Variants in NARF observed in about 807,000 individuals in gnomAD.
NARF encodes nuclear prelamin A recognition factor.
A neutral mutation model predicts 48.0 loss-of-function variants in NARF; 41 were observed. The ratio of observed to expected loss-of-function variants is 0.85; its 90% CI spans 0.66 to 1.11. NARF has a LOEUF of 1.11. Ranked by LOEUF, NARF falls within the 50% of genes least tolerant of loss-of-function variation. The probability of loss-of-function intolerance (pLI) is 0.00; values close to 1 mark genes in which losing one functional copy is unlikely to be tolerated. For synonymous variants in NARF, 215 were observed against 225.5 expected (o/e 0.95, Z 0.42); for missense variants, 613 against 590.2 (o/e 1.04, Z -0.40).
intron 6 of NARF, 132 bp from the exon 7 acceptor site, chr17:82,480,944 AAAAAAG>A: frequency 6.1e-5 from 69 of 1,122,516 alleles, no homozygotes; most frequent in Admixed American, 4.2e-4. Context: ...AAAAAAAAAA[AAAAAAG>A]AGTGCAGCAT....
At chr17:82,487,574 T>TCAGCCAGCCCTAGCCTTAGGCCA (rs1331415287) in intron 10 of NARF, among the ~76,000 whole-genome samples, 1 of 152,186 alleles carries the variant, frequency 6.6e-6, no homozygotes, top group Non-Finnish European at 1.5e-5. Context: ...CCTGGCCTGT[T>TCAGCCAGCCCTAGCCTTAGGCCA]CAGCCAGCCC....
rs763594015 is a variant in NARF, at chr17:82,464,364, A to G, written c.186A>G (p.Ala62=). 6.2e-7 allele frequency: 1 copy of G among 1,614,130 alleles called. No individual in the cohort carries two copies. Among genetic ancestry groups the G allele is most frequent in the East Asian group, 2.2e-5 (1 of 44,884 alleles). Reference sequence around the variant, plus strand: ...TGGCATGTGACAGCTGTATGACTGCAGAGGAAGGAGTCCAACTTTCCCAGC... The same window carrying G: ...TGGCATGTGACAGCTGTATGACTGCGGAGGAAGGAGTCCAACTTTCCCAGC... ...DCLACDSCMT[A]EEGVQLSQQN... Residue 62 remains alanine, a synonymous_variant, in exon 3 of 11, where the codon GCA becomes GCG. Transcript: ENST00000309794.
At chr17:82,478,560 C>A (rs759916441) in intron 5 of NARF, 6 of 604,030 alleles carry the variant, frequency 9.9e-6, no homozygotes, top group Admixed American at 6.4e-5. Context: ...ACTTGTCTGT[C>A]GGCCTTGCAG....
At chr17:82,463,263 A>G (rs12952655) in intron 2 of NARF, 36,637 of 152,166 alleles carry the variant, frequency 0.24, 5,052 homozygotes, top group East Asian at 0.67. Flanking sequence ...TCATATGTTC[A>G]TCCACCAGTT....
chr17:82,483,308 A>G, intron 7 of NARF: 1 of 338,296 alleles, frequency 3.0e-6, no homozygotes, highest in Non-Finnish European at 5.9e-6. Context: ...GGCGGAGGTG[A>G]GACTCCATCT....
At position 82,463,106 on chromosome 17, in the gene NARF, G is replaced by A. The variant is rs1868748190; in HGVS notation, c.109-1181G>A. ...TAGGCAGGAGGCAGAGGTGACACCC[G>A]AGCTGCGGTTCGTAGCACGCTGTGG... On this transcript the variant is annotated intron_variant, in intron 2 of 10. Coordinates refer to ENST00000309794, the MANE Select transcript of NARF (RefSeq NM_012336.4). The A allele has an allele frequency of 3.3e-5, 5 of 152,160 alleles. No homozygotes were observed. In the South Asian group the frequency reaches 1.0e-3, roughly 32 times the overall value. The allele number at this position is 152,160 out of a possible 1,614,324, so 9.4% of individuals were successfully genotyped here.
rs897105277 is a variant in NARF at position 82,472,575 on chromosome 17, G to A, written c.397G>A (p.Val133Ile). ...GFLKSLGVHY[V>I]FDTTIAADFS... The stretch of plus-strand genomic sequence containing the variant: ...CCTCTCTCCTGCAGGGGTGCACTAT[G>A]TATTTGATACGACGATAGCTGCGGA... The change falls in exon 5 of 11, where the codon GTA becomes ATA. Residue 133 changes from valine (V) to isoleucine (I), a missense_variant. By Grantham distance (29) the Val-to-Ile change is conservative. Coordinates refer to ENST00000309794, the MANE Select transcript of NARF (RefSeq NM_012336.4). 6 of 1,613,200 alleles carry A rather than the reference G, an allele frequency of 3.7e-6. No individual in the cohort carries two copies. The highest frequency in any genetic ancestry group is 1.1e-5 in the South Asian group (1 of 90,984).
Position 82,472,703 on chromosome 17 carries a change from G to A in NARF, c.520+5G>A. On this transcript the variant is annotated splice_donor_5th_base_variant and intron_variant, in intron 5 of 10. Transcript: ENST00000309794. ...TGCTGACCTCTGCCTGTCCTGGTGAGCCCCTGGACCCCCGCTCTGTTGGCC... is the reference window on the plus strand; with the variant it reads ...TGCTGACCTCTGCCTGTCCTGGTGAACCCCTGGACCCCCGCTCTGTTGGCC... The A allele has an allele frequency of 6.2e-7, 1 of 1,610,566 alleles. No homozygotes were observed. Among genetic ancestry groups the A allele is most frequent in the Non-Finnish European group, 8.5e-7 (1 of 1,178,916 alleles).
chr17:82,488,078 C>G lies in NARF; in HGVS notation c.1292C>G (p.Ser431Cys). ...LYQEWLEGIN[S>C]PKAREVLHTT... ...CAGGAGTGGCTGGAGGGGATCAACTCCCCCAAGGCCCGAGAGGTGCTGCAT... is the reference window on the plus strand; with the variant it reads ...CAGGAGTGGCTGGAGGGGATCAACTGCCCCAAGGCCCGAGAGGTGCTGCAT... Residue 431 changes from serine (S) to cysteine (C), a missense_variant, in exon 11 of 11, where the codon TCC (serine) becomes TGC (cysteine). By Grantham distance (112) the Ser-to-Cys change is moderately radical (BLOSUM62 -1). Coordinates refer to ENST00000309794, the MANE Select transcript of NARF (RefSeq NM_012336.4). 6.2e-7 allele frequency: 1 copy of G among 1,614,000 alleles called. No homozygotes were observed. Among genetic ancestry groups the G allele is most frequent in the Non-Finnish European group, 8.5e-7 (1 of 1,180,030 alleles).
rs144059308 is a variant in NARF, at chr17:82,480,857, G to A, written c.640-225G>A. ...TGAGGCAGGAGAATCGCTTGAACCCGGGAGGCAGAGTTTGCAGTGAGCTGA... is the reference window on the plus strand; with the variant it reads ...TGAGGCAGGAGAATCGCTTGAACCCAGGAGGCAGAGTTTGCAGTGAGCTGA... On this transcript the variant is annotated intron_variant, in intron 6 of 10. Transcript: ENST00000309794. 3.5e-3 allele frequency: 1,976 copies of A among 566,284 alleles called. 39 individuals carry two copies. Among genetic ancestry groups the A allele is most frequent in the African/African-American group, 0.033 (1,751 of 52,998 alleles). The allele number at this position is 566,284 out of a possible 1,614,324, so 35.1% of individuals were successfully genotyped here.
rs11400755 is a variant in NARF at position 82,488,380 on chromosome 17, CTT to C, written c.*235_*236del. On this transcript the variant is annotated 3_prime_UTR_variant, in exon 11 of 11. Coordinates refer to ENST00000309794, the MANE Select transcript of NARF (RefSeq NM_012336.4). Reference sequence around the variant, plus strand: ...GGTGTGGGATTGGAACTTTTTTTTTCTTTTTTTTTTTTTGAGACGGAGTCTCA... The same window carrying C: ...GGTGTGGGATTGGAACTTTTTTTTTCTTTTTTTTTTTGAGACGGAGTCTCA... 1,777 of 442,620 alleles carry C rather than the reference CTT, an allele frequency of 4.0e-3. No homozygotes were observed. The highest frequency in any genetic ancestry group is 7.0e-3 in the South Asian group (188 of 26,962). 27.4% of individuals were successfully genotyped at this position (442,620 alleles called of 1,614,324 possible). A position where few individuals can be genotyped will look rare whatever the true frequency, so the allele number is the denominator to read the frequency against.
chr17:82,458,889 G>A lies in NARF; in HGVS notation c.27+59G>A, dbSNP rs531019965. On this transcript the variant is annotated intron_variant, in intron 1 of 10. Coordinates refer to ENST00000309794, the MANE Select transcript of NARF (RefSeq NM_012336.4). ...GTGCTTGTCCTGTGGGGCTCTGGGC[G>A]GCCGAGGTTGGCGGTCCGGGCCCGC... is the stretch of plus-strand genomic sequence containing the variant. 13 of 1,307,290 alleles carry A rather than the reference G, an allele frequency of 9.9e-6. No homozygotes were observed. In the South Asian group the frequency reaches 3.0e-4, roughly 30 times the overall value. The allele number at this position is 1,307,290 out of a possible 1,614,324, so 81.0% of individuals were successfully genotyped here.
At chr17:82,474,741 A>G (rs1270426288) in intron 5 of NARF, among the ~76,000 whole-genome samples, 1 of 152,198 alleles carries the variant, frequency 6.6e-6, no homozygotes, top group Non-Finnish European at 1.5e-5. Context: ...CTCTCTAGCC[A>G]TTTATAAAAT....
At chr17:82,478,773 C>T (rs1266760186) in intron 5 of NARF, 27 bp from the exon 6 acceptor site, 2 of 1,598,554 alleles carry the variant, frequency 1.3e-6, no homozygotes, top group African/African-American at 2.7e-5. Flanking sequence ...CAGTAAGGAG[C>T]TGACCGTGGA....
At chr17:82,487,788 C>CCAACAA in intron 10 of NARF, 128 bp from the exon 11 acceptor site, 1 of 759,772 alleles carries the variant, frequency 1.3e-6, no homozygotes, top group Non-Finnish European at 2.1e-6. Flanking sequence ...CCCTCCCGCC[C>CCAACAA]AATCTCTACA....
chr17:82,471,908 A>G (rs867676954), intron 4 of NARF, among the ~76,000 whole-genome samples: 1 of 152,058 alleles, frequency 6.6e-6, no homozygotes, highest in African/African-American at 2.4e-5. Context: ...TTGGAAGGGA[A>G]TGCTGTGGGT....
intron 3 of NARF, among the ~76,000 whole-genome samples, chr17:82,465,577 A>C (rs1201626169): frequency 1.3e-5 from 2 of 152,050 alleles, no homozygotes; most frequent in African/African-American, 2.4e-5. Context: ...CAATTAGATC[A>C]CAATATTTTT....
intron 10 of NARF, among the ~76,000 whole-genome samples, chr17:82,486,419 A>G (rs949520483): frequency 1.3e-5 from 2 of 152,096 alleles, no homozygotes; most frequent in Non-Finnish European, 2.9e-5. Context: ...GATGTTAGAC[A>G]AGTGGGACAA....
chr17:82,484,227 A>G (rs9914776), intron 8 of NARF: 5,900 of 161,080 alleles, frequency 0.037, 134 homozygotes, highest in Middle Eastern at 0.069. Context: ...CTCGATACCC[A>G]GCAAGGCCCA....
Sources: allele counts gnomAD v4.1 joint callset (sites outside exome capture counted in the v4.1 genomes callset), GRCh38; gene constraint gnomAD v4.1.1; transcripts MANE v1.5; gene names NCBI Gene and HGNC (gene_info 2026-07-23, HGNC 2026-07-21).